The following DYM variants were observed in gnomAD, a reference collection of about 807,000 sequenced individuals.
DYM encodes the protein dyggve-Melchior-Clausen syndrome protein.
In DYM, 78 loss-of-function variants were observed where a neutral mutation model predicts 93.1. The ratio of observed to expected loss-of-function variants is 0.84; its 90% confidence interval spans 0.70 to 1.01. The LOEUF (loss-of-function observed/expected upper bound fraction) is 1.01. Among genes scored for constraint, DYM ranks in the 50% least tolerant of loss-of-function variants. The pLI is 0.00. For synonymous variants in DYM, 321 were observed against 319.7 expected (o/e 1.00, Z -0.04); for missense variants, 789 against 845.0 (o/e 0.93, Z 0.82).
intron 15 of DYM, among the ~76,000 whole-genome samples, chr18:49,120,091 A>AG (rs1288749721): frequency 1.3e-5 from 2 of 151,012 alleles, no homozygotes; most frequent in Non-Finnish European, 3.0e-5. Flanking sequence ...AAAAAAAAAA[A>AG]AAAAGAAAAA....
intron 2 of DYM, among the ~76,000 whole-genome samples, chr18:49,424,790 A>G (rs2074098016): frequency 1.3e-5 from 2 of 152,170 alleles, no homozygotes; most frequent in Non-Finnish European, 2.9e-5. Context: ...ACTCCCATTC[A>G]CAATTGCTTC....
chr18:49,426,535 T>TA (rs1171541266), intron 2 of DYM, among the ~76,000 whole-genome samples: 1 of 151,442 alleles, frequency 6.6e-6, no homozygotes, highest in African/African-American at 2.4e-5. Flanking sequence ...CCCTAGAACT[T>TA]AAAGTATAAT....
At chr18:49,176,505 G>A (rs2089394423) in intron 14 of DYM, among the ~76,000 whole-genome samples, 1 of 150,496 alleles carries the variant, frequency 6.6e-6, no homozygotes, top group Admixed American at 6.6e-5. Flanking sequence ...CAAGCTTCTG[G>A]ACCCAAGTGA....
At chr18:49,149,517 AT>A in intron 15 of DYM, among the ~76,000 whole-genome samples, 1 of 151,760 alleles carries the variant, frequency 6.6e-6, no homozygotes, top group East Asian at 1.9e-4. Context: ...CATTTTATTA[AT>A]TTTTTCATTC....
chr18:49,089,132 C>G (rs577742344), intron 17 of DYM, among the ~76,000 whole-genome samples: 10 of 152,270 alleles, frequency 6.6e-5, no homozygotes, highest in Non-Finnish European at 8.8e-5. Flanking sequence ...TCCTCACTTG[C>G]AGAATGGAAA....
At chr18:49,200,209 G>C (rs897662953) in intron 14 of DYM, among the ~76,000 whole-genome samples, 2 of 151,922 alleles carry the variant, frequency 1.3e-5, no homozygotes, top group Non-Finnish European at 2.9e-5. Flanking sequence ...GGAGGGTAGA[G>C]AAAAGTGAGA....
intron 13 of DYM, among the ~76,000 whole-genome samples, chr18:49,242,232 C>T (rs980031854): frequency 2.6e-5 from 4 of 152,022 alleles, no homozygotes; most frequent in Non-Finnish European, 4.4e-5. Flanking sequence ...GCCAACATGG[C>T]GAAACCCCAT....
Position 49,378,705 on chromosome 18 carries a change from A to G in DYM, c.288-5T>C. On this transcript the variant is annotated splice_polypyrimidine_tract_variant and splice_region_variant and intron_variant, in intron 4 of 17. Coordinates refer to ENST00000675505, the MANE Select transcript of DYM (RefSeq NM_001353214.3). ...GTCTGCCAAATGAAGATGTGGCTAG[A>G]AAGACCAAAATCATACAAGAATCAA... 1.2e-6 allele frequency: 2 copies of G among 1,612,612 alleles called. No homozygotes were observed. The highest frequency in any genetic ancestry group is 1.1e-5 in the South Asian group (1 of 91,028).
At chr18:49,292,592 GAAAAAAAAAAAAAAAAA>G (rs72415237) in intron 8 of DYM, among the ~76,000 whole-genome samples, 2,016 of 78,816 alleles carry the variant, frequency 0.026, 120 homozygotes, top group African/African-American at 0.073. Flanking sequence ...TTTCCTGTTG[GAAAAAAAAAAAAAAAAA>G]AAAAAAAAAA....
chr18:49,376,256 T>C (rs2067499972), intron 5 of DYM, among the ~76,000 whole-genome samples: 1 of 152,224 alleles, frequency 6.6e-6, no homozygotes, highest in African/African-American at 2.4e-5. Context: ...CAGCCAACTA[T>C]GTCATCTGTT....
intron 2 of DYM, among the ~76,000 whole-genome samples, chr18:49,404,592 G>T (rs1034306238): frequency 2.6e-5 from 4 of 152,074 alleles, no homozygotes; most frequent in Non-Finnish European, 5.9e-5. Context: ...GTTATTTTTT[G>T]ACCTTTTAAT....
chr18:49,225,534 T>C (rs953868673), intron 13 of DYM, among the ~76,000 whole-genome samples: 5 of 152,120 alleles, frequency 3.3e-5, no homozygotes, highest in Non-Finnish European at 5.9e-5. Flanking sequence ...TATAAAATAA[T>C]AGAGACTATA....
intron 16 of DYM, among the ~76,000 whole-genome samples, chr18:49,108,554 C>T (rs1227548097): frequency 6.6e-6 from 1 of 152,190 alleles, no homozygotes; most frequent in Non-Finnish European, 1.5e-5. Context: ...GCTCTTCTTA[C>T]TGATTTCTAT....
chr18:49,158,439 GACA>G (rs1340478159), intron 15 of DYM, among the ~76,000 whole-genome samples: 1 of 152,162 alleles, frequency 6.6e-6, no homozygotes, highest in African/African-American at 2.4e-5. Flanking sequence ...TGTCAAAAGT[GACA>G]ACATGTGAAA....
chr18:49,268,396 G>T (rs2094607450), intron 11 of DYM, among the ~76,000 whole-genome samples: 1 of 152,136 alleles, frequency 6.6e-6, no homozygotes, highest in East Asian at 1.9e-4. Context: ...AAATCCAATG[G>T]AACTGAACTC....
intron 15 of DYM, among the ~76,000 whole-genome samples, chr18:49,136,881 G>A (rs556369786): frequency 1.3e-5 from 2 of 152,046 alleles, no homozygotes; most frequent in Admixed American, 1.3e-4. Context: ...TAATGGTTTG[G>A]GTATAAGGAA....
intron 15 of DYM, among the ~76,000 whole-genome samples, chr18:49,152,670 T>C (rs1280388469): frequency 6.6e-6 from 1 of 152,212 alleles, no homozygotes; most frequent in Non-Finnish European, 1.5e-5. Flanking sequence ...ATATTTGCAC[T>C]TGCATATTCA....
chr18:49,221,060 A>G (rs2144056666), intron 13 of DYM, among the ~76,000 whole-genome samples: 1 of 152,308 alleles, frequency 6.6e-6, no homozygotes, highest in East Asian at 1.9e-4. Flanking sequence ...AATTTACAAG[A>G]AAAAAACAAA....
chr18:49,253,087 G>T lies in DYM; in HGVS notation c.1460+3923C>A, dbSNP rs988089773. Reference sequence around the variant, plus strand: ...TGTCCAGCTAAGGAGGCTTTTCAAAGATTTATCCACATCCTTTCATAGCAA... The same window carrying T: ...TGTCCAGCTAAGGAGGCTTTTCAAATATTTATCCACATCCTTTCATAGCAA... On this transcript the variant is annotated intron_variant, in intron 13 of 17. Transcript: ENST00000675505. 1.2e-4 allele frequency among the ~76,000 whole-genome samples: 18 copies of T among 152,280 alleles called. No homozygotes were observed. The South Asian group carries it at 3.7e-3, about 32-fold the overall frequency.
Sources: gnomAD v4.1 joint callset for allele counts (sites outside exome capture counted in the v4.1 genomes callset) on GRCh38, gnomAD v4.1.1 for gene constraint, MANE v1.5 for transcripts, NCBI Gene and HGNC (gene_info 2026-07-23, HGNC 2026-07-21) for gene names.